SETD2: variants seen among roughly 807,000 people sequenced by gnomAD.
SETD2 encodes histone-lysine N-methyltransferase SETD2.
In SETD2, 31 loss-of-function variants were observed where a neutral mutation model predicts 242.1. That is an observed-to-expected ratio of 0.13 (90% CI 0.10 to 0.17). The LOEUF is 0.17. SETD2 is among the 10% of genes least tolerant of loss of function. The pLI, the probability that SETD2 is intolerant of heterozygous loss-of-function variation, is 1.00. For missense variants in SETD2, 2,481 were observed against 3,046.3 expected (o/e 0.81, Z 4.37); for synonymous variants, 1,006 against 1,066.5 (o/e 0.94, Z 1.11).
intron 18 of SETD2, among the ~76,000 whole-genome samples, chr3:47,034,604 G>A (rs144442075): frequency 1.4e-3 from 206 of 152,262 alleles, no homozygotes; most frequent in African/African-American, 4.4e-3. Flanking sequence ...TCGAGGTTAC[G>A]GTAAGCTATG....
intron 1 of SETD2, among the ~76,000 whole-genome samples, chr3:47,153,066 T>C (rs1044867908): frequency 1.1e-4 from 17 of 152,094 alleles, no homozygotes; most frequent in African/African-American, 4.1e-4. Flanking sequence ...ACGCCTGTAA[T>C]CCCAGCACTT....
At chr3:47,027,336 CAAAAA>C (rs145911577) in intron 18 of SETD2, among the ~76,000 whole-genome samples, 70 of 103,754 alleles carry the variant, frequency 6.7e-4, no homozygotes, top group African/African-American at 3.5e-3. Flanking sequence ...GACTCCATCT[CAAAAA>C]AAAAAAAAAA....
chr3:47,105,562 C>T, intron 6 of SETD2: 2 of 286,526 alleles, frequency 7.0e-6, no homozygotes, highest in Non-Finnish European at 1.4e-5. Flanking sequence ...CAGTAACTTC[C>T]ACGCTTTTTG....
chr3:47,068,826 G>A (rs548049276), intron 12 of SETD2, among the ~76,000 whole-genome samples: 27 of 150,928 alleles, frequency 1.8e-4, no homozygotes, highest in African/African-American at 4.6e-4. Flanking sequence ...TTTTTGAACC[G>A]GGGTCTCTGT....
At chr3:47,035,773 C>A (rs1471274863) in intron 18 of SETD2, among the ~76,000 whole-genome samples, 1 of 152,168 alleles carries the variant, frequency 6.6e-6, no homozygotes, top group African/African-American at 2.4e-5. Context: ...TTATCTTAAT[C>A]CCTTTGTTTA....
intron 5 of SETD2, among the ~76,000 whole-genome samples, chr3:47,107,531 A>G (rs1408108036): frequency 6.6e-6 from 1 of 152,178 alleles, no homozygotes; most frequent in East Asian, 1.9e-4. Flanking sequence ...CTGATTATTC[A>G]TGGGTAAACC....
At chr3:47,094,770 T>C (rs2041941475) in intron 9 of SETD2, among the ~76,000 whole-genome samples, 2 of 152,248 alleles carry the variant, frequency 1.3e-5, no homozygotes, top group African/African-American at 4.8e-5. Context: ...CAAAGTTTCA[T>C]ATAAAACATC....
At chr3:47,101,697 G>T in intron 7 of SETD2, 142 bp from the exon 8 acceptor site, 1 of 496,202 alleles carries the variant, frequency 2.0e-6, no homozygotes, top group Non-Finnish European at 3.6e-6. Flanking sequence ...GGCAATGAAG[G>T]TTTTCCCAAA....
At chr3:47,129,949 G>A (rs1299496895) in intron 1 of SETD2, among the ~76,000 whole-genome samples, 3 of 152,066 alleles carry the variant, frequency 2.0e-5, no homozygotes, top group Non-Finnish European at 4.4e-5. Flanking sequence ...GTTGAAAGCT[G>A]GGGGAAGAGA....
rs2043207705 is a variant in SETD2, at chr3:47,123,770, T to C, written c.866A>G (p.Asp289Gly). ...CTTAGAACTATCTGGAATTTCTTCA[T>C]CCTTCCCAATATGGGAATCTTCTTT... ...SKKEDSHIGK[D>G]EEIPDSSKIS... The change falls in exon 3 of 21, where the codon GAT (aspartate) becomes GGT (glycine). Residue 289 changes from aspartate to glycine, a missense_variant. Physicochemically the swap from Asp to Gly is moderately conservative, Grantham distance 94 (BLOSUM62 -1). Coordinates refer to ENST00000409792, the MANE Select transcript of SETD2 (RefSeq NM_014159.7). 1.9e-6 allele frequency: 3 copies of C among 1,548,272 alleles called. No individual in the cohort carries two copies. The highest frequency in any genetic ancestry group is 2.0e-5 in the Admixed American group (1 of 50,078).
intron 1 of SETD2, among the ~76,000 whole-genome samples, chr3:47,128,060 A>ATAT (rs1321838144): frequency 6.6e-6 from 1 of 152,166 alleles, no homozygotes; most frequent in African/African-American, 2.4e-5. Flanking sequence ...AAACAGTTCA[A>ATAT]TATTACCTGA....
intron 13 of SETD2, among the ~76,000 whole-genome samples, chr3:47,066,341 C>A (rs1019113053): frequency 2.6e-5 from 4 of 152,098 alleles, no homozygotes; most frequent in Admixed American, 6.6e-5. Flanking sequence ...CAGAATTTTA[C>A]ATGTAAACAT....
chr3:47,138,595 A>G (rs2043649024), intron 1 of SETD2, among the ~76,000 whole-genome samples: 1 of 151,822 alleles, frequency 6.6e-6, no homozygotes, highest in South Asian at 2.1e-4. Context: ...CTAATTTTGT[A>G]TTTTTAGTAG....
At chr3:47,069,495 G>A (rs1367919902) in intron 12 of SETD2, among the ~76,000 whole-genome samples, 7 of 152,182 alleles carry the variant, frequency 4.6e-5, no homozygotes, top group Admixed American at 1.3e-4. Context: ...CCAGACATGC[G>A]TATTTTTTAG....
rs1349108254 is a variant in SETD2, at chr3:47,123,806, A to G, written c.830T>C (p.Ile277Thr). Residue 277 changes from isoleucine (I) to threonine (T), a missense_variant, in exon 3 of 21, where the codon ATT (isoleucine) becomes ACT (threonine). Transcript: ENST00000409792. ...ATGGGAATCTTCTTTTTTTGAGGAA[A>G]TATCTGCTTGCTCATTCAATATTTG... ...VTQILNEQADISSKKEDSHIG... is the reference protein window; with the variant it reads ...VTQILNEQADTSSKKEDSHIG... 3 of 1,547,846 alleles carry G rather than the reference A, an allele frequency of 1.9e-6. No homozygotes were observed. The South Asian group carries it at 3.6e-5, about 19-fold the overall frequency.
chr3:47,018,889 A>T (rs995686832), intron 19 of SETD2, among the ~76,000 whole-genome samples: 1 of 152,250 alleles, frequency 6.6e-6, no homozygotes, highest in Non-Finnish European at 1.5e-5. Context: ...TTCTATTGAT[A>T]TAAGTTAGAT....
At chr3:47,108,107 G>A (rs986556355) in intron 5 of SETD2, among the ~76,000 whole-genome samples, 2 of 151,918 alleles carry the variant, frequency 1.3e-5, no homozygotes, top group Non-Finnish European at 2.9e-5. Flanking sequence ...GTGAAATCCC[G>A]TCTCTACCAA....
chr3:47,096,640 T>C (rs985565758), intron 9 of SETD2, among the ~76,000 whole-genome samples: 2 of 150,768 alleles, frequency 1.3e-5, no homozygotes, highest in Non-Finnish European at 2.9e-5. Flanking sequence ...CCCAGCACTT[T>C]GGGAGGCCAA....
At chr3:47,019,582 G>A (rs1048530314) in intron 19 of SETD2, among the ~76,000 whole-genome samples, 178 bp downstream of exon 19, 42 of 152,184 alleles carry the variant, frequency 2.8e-4, no homozygotes, top group African/African-American at 8.9e-4. Flanking sequence ...GCCAAGAAAA[G>A]ATGGCTGAGG....
Sources: gnomAD v4.1 joint callset for allele counts (sites outside exome capture counted in the v4.1 genomes callset) on GRCh38, gnomAD v4.1.1 for gene constraint, MANE v1.5 for transcripts, NCBI Gene and HGNC (gene_info 2026-07-23, HGNC 2026-07-21) for gene names.